Variants in ADAM18 observed in about 807,000 individuals in gnomAD.
ADAM18 encodes ADAM metallopeptidase domain 18, also known as disintegrin and metalloproteinase domain-containing protein 18.
ADAM18 carries 117 observed loss-of-function variants against 94.4 expected under a neutral mutation model. The observed-to-expected ratio is 1.24, with a 90% confidence interval of 1.07 to 1.45. The LOEUF (loss-of-function observed/expected upper bound fraction) is 1.45, where lower values mean the gene tolerates loss of function less well. Ranked by LOEUF, ADAM18 falls within the 40% of genes most tolerant of loss-of-function variation. The pLI, the probability that ADAM18 is intolerant of heterozygous loss-of-function variation, is 0.00. For synonymous variants in ADAM18, 327 were observed against 291.6 expected (o/e 1.12, Z -1.24); for missense variants, 936 against 880.0 (o/e 1.06, Z -0.81).
intron 12 of ADAM18, among the ~76,000 whole-genome samples, chr8:39,654,768 G>A (rs987407853): frequency 6.6e-6 from 1 of 151,992 alleles, no homozygotes; most frequent in Non-Finnish European, 1.5e-5. Flanking sequence ...CTCATTGTGG[G>A]TTTGATTTGT....
chr8:39,648,465 C>G lies in ADAM18; in HGVS notation c.1168C>G (p.Gln390Glu). The G allele has an allele frequency of 6.2e-7, 1 of 1,613,194 alleles. No individual in the cohort carries two copies. The highest frequency in any genetic ancestry group is 8.5e-7 in the Non-Finnish European group (1 of 1,179,600). ...AAATTTGCAACCATTACATCAAAAT[C>G]AACCAGTGTGTGGTAATGGGATTTT... ...LSNLQPLHQN[Q>E]PVCGNGILES... Residue 390 changes from glutamine (Q) to glutamate (E), a missense_variant, in exon 12 of 20, where the codon CAA becomes GAA. Gln to Glu is a conservative substitution (Grantham distance 29). Coordinates refer to ENST00000265707, the MANE Select transcript of ADAM18 (RefSeq NM_014237.3).
At chr8:39,717,192 A>T (rs1248300080) in intron 18 of ADAM18, among the ~76,000 whole-genome samples, 2 of 151,762 alleles carry the variant, frequency 1.3e-5, no homozygotes, top group Non-Finnish European at 3.0e-5. Flanking sequence ...GCCATTAACA[A>T]TCTAAGCTCA....
chr8:39,601,344 A>G (rs1818898026), intron 2 of ADAM18, among the ~76,000 whole-genome samples: 1 of 152,220 alleles, frequency 6.6e-6, no homozygotes, highest in Non-Finnish European at 1.5e-5. Flanking sequence ...AAGTGTTTAC[A>G]TCTCCATTTA....
intron 2 of ADAM18, among the ~76,000 whole-genome samples, chr8:39,605,456 C>A (rs1321148496): frequency 6.6e-6 from 1 of 152,116 alleles, no homozygotes; most frequent in Non-Finnish European, 1.5e-5. Flanking sequence ...AGCTCTTTTT[C>A]CACAGTTTTA....
intron 15 of ADAM18, among the ~76,000 whole-genome samples, chr8:39,678,440 C>A (rs1415778512): frequency 1.3e-5 from 2 of 152,152 alleles, no homozygotes; most frequent in Non-Finnish European, 2.9e-5. Context: ...GAACTTCCCA[C>A]TTGCCCCAAC....
At chr8:39,592,608 A>G (rs1188844828) in intron 2 of ADAM18, among the ~76,000 whole-genome samples, 1 of 152,298 alleles carries the variant, frequency 6.6e-6, no homozygotes, top group Non-Finnish European at 1.5e-5. Context: ...AAAATATTAC[A>G]TGTTCTCATT....
At chr8:39,659,701 G>A (rs1324629284) in intron 12 of ADAM18, among the ~76,000 whole-genome samples, 2 of 151,840 alleles carry the variant, frequency 1.3e-5, no homozygotes, top group African/African-American at 4.8e-5. Context: ...TAAATTATCA[G>A]TAATTAACAA....
chr8:39,646,073 T>C (rs950352114), intron 11 of ADAM18, among the ~76,000 whole-genome samples: 1 of 152,192 alleles, frequency 6.6e-6, no homozygotes, highest in African/African-American at 2.4e-5. Context: ...TAAAATAAGC[T>C]AAGGCATTTC....
chr8:39,692,798 G>A, intron 17 of ADAM18, 118 bp downstream of exon 17: 1 of 636,956 alleles, frequency 1.6e-6, no homozygotes, highest in South Asian at 3.1e-5. Flanking sequence ...CTAATATAAA[G>A]AAAATTAACT....
rs1821344947 is a variant in ADAM18 at position 39,678,013 on chromosome 8, A to G, written c.1631+477A>G. On this transcript the variant is annotated intron_variant, in intron 15 of 19. Transcript: ENST00000265707. ...GACTATTGGGACATAGTGTTACTAT[A>G]ATCCATGTAATAAAGGGATTAATGA... Among the ~76,000 whole-genome samples the G allele has an allele frequency of 2.0e-5, 3 of 152,208 alleles. No homozygotes were observed. The South Asian group carries it at 6.2e-4, about 31-fold the overall frequency.
chr8:39,675,703 C>A (rs528245062), intron 14 of ADAM18, among the ~76,000 whole-genome samples: 2 of 152,330 alleles, frequency 1.3e-5, no homozygotes, highest in African/African-American at 2.4e-5. Flanking sequence ...GGAGAAGAGG[C>A]ACTCTGATTT....
intron 2 of ADAM18, among the ~76,000 whole-genome samples, chr8:39,586,499 A>G (rs576516096): frequency 5.9e-5 from 9 of 152,284 alleles, no homozygotes; most frequent in East Asian, 1.9e-4. Flanking sequence ...TGGGATCCCA[A>G]GGTTGGAGGA....
intron 6 of ADAM18, among the ~76,000 whole-genome samples, chr8:39,623,950 T>G (rs1414938486): frequency 6.6e-6 from 1 of 152,200 alleles, no homozygotes; most frequent in East Asian, 1.9e-4. Flanking sequence ...TTTGTATATC[T>G]TCTTTTGAGA....
At chr8:39,649,856 C>G (rs912366276) in intron 12 of ADAM18, among the ~76,000 whole-genome samples, 1 of 152,104 alleles carries the variant, frequency 6.6e-6, no homozygotes, top group Non-Finnish European at 1.5e-5. Context: ...TTTTCTATAT[C>G]ATAGTTCTTT....
At chr8:39,701,373 C>T (rs978371425) in intron 17 of ADAM18, among the ~76,000 whole-genome samples, 15 of 151,476 alleles carry the variant, frequency 9.9e-5, no homozygotes, top group South Asian at 2.1e-4. Context: ...ATAATCTCTG[C>T]GTTTTATTAA....
At chr8:39,673,894 C>T (rs903209725) in intron 14 of ADAM18, among the ~76,000 whole-genome samples, 2 of 152,166 alleles carry the variant, frequency 1.3e-5, no homozygotes, top group African/African-American at 4.8e-5. Flanking sequence ...AGTAGTCATT[C>T]AGGAGCAAAT....
At chr8:39,692,716 T>G (rs1403329604) in intron 17 of ADAM18, 36 bp downstream of exon 17, 12 of 1,503,990 alleles carry the variant, frequency 8.0e-6, no homozygotes, top group Non-Finnish European at 1.1e-5. Flanking sequence ...CATGTTATTC[T>G]TGTGGGTAAT....
chr8:39,625,926 A>G (rs1819755366), intron 6 of ADAM18, among the ~76,000 whole-genome samples: 1 of 152,120 alleles, frequency 6.6e-6, no homozygotes, highest in Non-Finnish European at 1.5e-5. Flanking sequence ...TCTATTTGCT[A>G]GTATTTTGCT....
chr8:39,680,223 A>T lies in ADAM18; in HGVS notation c.1818A>T (p.Glu606Asp), dbSNP rs376814343. ...YVADGTMCGPEMYCVNKTCRK... is the reference protein window; with the variant it reads ...YVADGTMCGPDMYCVNKTCRK... Reference sequence around the variant, plus strand: ...CTGATGGCACCATGTGTGGTCCAGAAATGGTAACAAAATGTGATAATTTAT... The same window carrying T: ...CTGATGGCACCATGTGTGGTCCAGATATGGTAACAAAATGTGATAATTTAT... Residue 606 changes from glutamate to aspartate, a missense_variant, in exon 16 of 20, where the codon GAA (glutamate) becomes GAT (aspartate). Physicochemically the swap from Glu to Asp is conservative, Grantham distance 45 (BLOSUM62 2). Coordinates refer to ENST00000265707, the MANE Select transcript of ADAM18 (RefSeq NM_014237.3). The T allele has an allele frequency of 2.5e-6, 4 of 1,607,646 alleles. No homozygotes were observed. In the African/African-American group the frequency reaches 5.4e-5, roughly 22 times the overall value.
Sources: gnomAD v4.1 joint callset for allele counts (sites outside exome capture counted in the v4.1 genomes callset) on GRCh38, gnomAD v4.1.1 for gene constraint, MANE v1.5 for transcripts, NCBI Gene and HGNC (gene_info 2026-07-23, HGNC 2026-07-21) for gene names.